SUSD4: variants seen among roughly 807,000 people sequenced by gnomAD.
SUSD4 encodes sushi domain-containing protein 4.
SUSD4 carries 41 observed loss-of-function variants against 50.5 expected under a neutral mutation model. The ratio of observed to expected loss-of-function variants is 0.81; its 90% confidence interval spans 0.63 to 1.05. The LOEUF (loss-of-function observed/expected upper bound fraction) is 1.05. Among genes scored for constraint, SUSD4 ranks in the 50% least tolerant of loss-of-function variants. The pLI, the probability that SUSD4 is intolerant of heterozygous loss-of-function variation, is 0.00. For synonymous variants in SUSD4, 257 were observed against 257.3 expected (o/e 1.00, Z 0.01); for missense variants, 580 against 634.7 (o/e 0.91, Z 0.93).
At chr1:223,358,691 C>T (rs568472049) in intron 2 of SUSD4, 1 of 155,740 alleles carries the variant, frequency 6.4e-6, no homozygotes, top group East Asian at 1.9e-4. Flanking sequence ...AAGAGATTTG[C>T]TACTTGTTAT....
Position 223,261,162 on chromosome 1 carries a change from C to T in SUSD4, c.724+3468G>A, listed in dbSNP as rs75711923. 6.3e-3 allele frequency among the ~76,000 whole-genome samples: 959 copies of T among 152,256 alleles called. 10 individuals are homozygous for T. The highest frequency in any genetic ancestry group is 0.022 in the African/African-American group (900 of 41,546). On this transcript the variant is annotated intron_variant, in intron 5 of 8. Transcript: ENST00000366878. ...GTGGGGCGGCAGCAGTAAGAGCTTG[C>T]GGCCACCCAGCGGGCAGCAGAGCCT...
At chr1:223,348,753 A>G (rs1395224210) in intron 2 of SUSD4, among the ~76,000 whole-genome samples, 1 of 152,182 alleles carries the variant, frequency 6.6e-6, no homozygotes, top group African/African-American at 2.4e-5. Context: ...TGTGACCTGT[A>G]TCAACAGTTT....
In SUSD4 at chr1:223,229,472, G is replaced by T. The variant is rs1659750478; in HGVS notation, c.725-84C>A. The T allele has an allele frequency of 2.3e-6, 3 of 1,318,348 alleles. No individual in the cohort carries two copies. The highest frequency in any genetic ancestry group is 1.5e-5 in the African/African-American group (1 of 67,948). 81.7% of individuals were successfully genotyped at this position (1,318,348 alleles called of 1,614,324 possible). A position where few individuals can be genotyped will look rare whatever the true frequency, so the allele number is the denominator to read the frequency against. ...CCCTAAGACGAAGAATGGCCTAGGA[G>T]AACTCAGTTAAAAATGTGCTTATGG... On this transcript the variant is annotated intron_variant, in intron 5 of 8. Transcript: ENST00000366878. The surrounding 1 kb of genome is among the most constrained non-coding windows in gnomAD (Gnocchi z 4.7).
At chr1:223,308,970 C>G (rs2103206376) in intron 2 of SUSD4, among the ~76,000 whole-genome samples, 1 of 152,290 alleles carries the variant, frequency 6.6e-6, no homozygotes, top group East Asian at 1.9e-4. Flanking sequence ...AAAGGATTTA[C>G]TTATAAGGAT....
chr1:223,242,237 C>A (rs995999977), intron 5 of SUSD4, among the ~76,000 whole-genome samples: 9 of 152,156 alleles, frequency 5.9e-5, no homozygotes, highest in Non-Finnish European at 1.0e-4. Context: ...ACCACTGAAC[C>A]CAGCCAAAAT....
intron 5 of SUSD4, among the ~76,000 whole-genome samples, chr1:223,250,817 G>A (rs1406656341): frequency 6.6e-6 from 1 of 152,204 alleles, no homozygotes; most frequent in African/African-American, 2.4e-5. Context: ...CCGGGCTAGA[G>A]GCAAGGTTAG....
intron 5 of SUSD4, among the ~76,000 whole-genome samples, chr1:223,255,681 T>G (rs1156826599): frequency 1.3e-5 from 2 of 152,150 alleles, no homozygotes; most frequent in Non-Finnish European, 2.9e-5. Flanking sequence ...GGGCAGAGCT[T>G]AGGGCAAGCA....
chr1:223,332,256 C>T lies in SUSD4; in HGVS notation c.148+31022G>A, dbSNP rs1489800723. On this transcript the variant is annotated intron_variant, in intron 2 of 8. Transcript: ENST00000366878. This position sits in a 1 kb window ranked among gnomAD's most constrained non-coding sequence, Gnocchi z 4.0. ...TGGAGGGTGCTAGTAGGAAGCATGG[C>T]TAGGCTACCTCAAAGCAACTTGTTT... is the stretch of plus-strand genomic sequence containing the variant. 1.3e-5 allele frequency among the ~76,000 whole-genome samples: 2 copies of T among 152,190 alleles called. No individual in the cohort carries two copies. The highest frequency in any genetic ancestry group is 2.9e-5 in the Non-Finnish European group (2 of 68,034).
At chr1:223,249,128 G>A (rs764889416) in intron 5 of SUSD4, among the ~76,000 whole-genome samples, 8 of 152,176 alleles carry the variant, frequency 5.3e-5, no homozygotes, top group African/African-American at 1.7e-4. Flanking sequence ...CATCTGTGGC[G>A]TCAGAGTGTT....
At position 223,282,257 on chromosome 1, in the gene SUSD4, A is replaced by G. The variant is rs1333255807; in HGVS notation, c.361+10182T>C. Reference sequence around the variant, plus strand: ...TGGCCAGGGCAGTCAGGCAGGAGAAAGAAATAAAGGGTATTCAATCAGGAA... The same window carrying G: ...TGGCCAGGGCAGTCAGGCAGGAGAAGGAAATAAAGGGTATTCAATCAGGAA... On this transcript the variant is annotated intron_variant, in intron 3 of 8. Transcript: ENST00000366878. Among the ~76,000 whole-genome samples the G allele has an allele frequency of 1.8e-4, 27 of 152,298 alleles. No individual in the cohort carries two copies. The East Asian group carries it at 4.8e-3, about 27-fold the overall frequency.
chr1:223,346,086 G>A (rs1252120168), intron 2 of SUSD4, among the ~76,000 whole-genome samples: 3 of 152,130 alleles, frequency 2.0e-5, no homozygotes, highest in Admixed American at 1.3e-4. Flanking sequence ...AGGCCGTCCT[G>A]TGCATTTTAA....
intron 2 of SUSD4, among the ~76,000 whole-genome samples, chr1:223,297,807 A>G (rs1572004448): frequency 6.6e-6 from 1 of 152,274 alleles, no homozygotes; most frequent in South Asian, 2.1e-4. Context: ...CCTCCTCAGC[A>G]TCTGGCATGG....
At chr1:223,335,118 T>C (rs1463788117) in intron 2 of SUSD4, among the ~76,000 whole-genome samples, 3 of 152,236 alleles carry the variant, frequency 2.0e-5, no homozygotes, top group African/African-American at 7.2e-5. Context: ...TACCCACTTG[T>C]TGACTGATGG....
chr1:223,289,055 T>G, intron 3 of SUSD4: 1 of 971,484 alleles, frequency 1.0e-6, no homozygotes, highest in Non-Finnish European at 1.2e-6. Context: ...TAGACATAAC[T>G]GAGTTGGTTT....
At chr1:223,361,739 A>C (rs773501513) in intron 2 of SUSD4, among the ~76,000 whole-genome samples, 11 of 152,256 alleles carry the variant, frequency 7.2e-5, no homozygotes, top group Admixed American at 3.3e-4. Context: ...GAAATGGACC[A>C]AGAAGATGGA....
intron 2 of SUSD4, among the ~76,000 whole-genome samples, chr1:223,302,914 C>T (rs921085119): frequency 6.6e-6 from 1 of 152,152 alleles, no homozygotes; most frequent in African/African-American, 2.4e-5. Context: ...AAATTCATCA[C>T]TTTGCTTAAG....
chr1:223,337,459 T>C (rs1667522898), intron 2 of SUSD4, among the ~76,000 whole-genome samples: 1 of 152,214 alleles, frequency 6.6e-6, no homozygotes, highest in African/African-American at 2.4e-5. Flanking sequence ...GCTTGAGGTG[T>C]GAGGGAGAAA....
rs562015677 is a variant in SUSD4 at position 223,274,396 on chromosome 1, G to A, written c.362-5721C>T. On this transcript the variant is annotated intron_variant, in intron 3 of 8. Transcript: ENST00000366878. ...GTGGGATAGTTTTGCTTTGTGAGCAGGGCTGGTCCAGGTTGTTTCTTTCAT... is the reference window on the plus strand; with the variant it reads ...GTGGGATAGTTTTGCTTTGTGAGCAAGGCTGGTCCAGGTTGTTTCTTTCAT... 6.3e-3 allele frequency among the ~76,000 whole-genome samples: 966 copies of A among 152,284 alleles called. 5 individuals are homozygous for A. Among genetic ancestry groups the A allele is most frequent in the Middle Eastern group, 0.02 (6 of 294 alleles).
chr1:223,243,115 T>G (rs905133285), intron 5 of SUSD4, among the ~76,000 whole-genome samples: 2 of 152,058 alleles, frequency 1.3e-5, no homozygotes, highest in Non-Finnish European at 2.9e-5. Flanking sequence ...GGGAGCCCTG[T>G]GGCTCCAGGC....
Sources: allele counts gnomAD v4.1 joint callset (sites outside exome capture counted in the v4.1 genomes callset), GRCh38; gene constraint gnomAD v4.1.1; non-coding constraint Gnocchi (gnomAD v3.1); transcripts MANE v1.5; gene names NCBI Gene and HGNC (gene_info 2026-07-23, HGNC 2026-07-21).